RYR2: variants seen among roughly 807,000 people sequenced by gnomAD.
RYR2 encodes the protein ryanodine receptor 2, also known as cardiac muscle ryanodine receptor-calcium release channel.
Under a neutral mutation model 601.1 loss-of-function variants are expected in RYR2, and 227 were observed. That is an observed-to-expected ratio of 0.38 (90% CI 0.34 to 0.42). The LOEUF (loss-of-function observed/expected upper bound fraction) is 0.42. Ranked by LOEUF, RYR2 falls within the 10% of genes least tolerant of loss-of-function variation. The probability of loss-of-function intolerance (pLI) is 1.00; values close to 1 mark genes in which losing one functional copy is unlikely to be tolerated. For synonymous variants in RYR2, 2,223 were observed against 2,175.1 expected, an observed-to-expected ratio of 1.02 and a Z score of -0.61; for missense variants, 4,646 against 6,156.5, an observed-to-expected ratio of 0.75 and a Z score of 8.21.
At position 237,752,255 on chromosome 1, in the gene RYR2, G is replaced by A. The variant is rs578075869; in HGVS notation, c.11146-4033G>A. 5.9e-5 allele frequency among the ~76,000 whole-genome samples: 9 copies of A among 152,152 alleles called. No homozygotes were observed. The South Asian group carries it at 1.2e-3, about 21-fold the overall frequency. On this transcript the variant is annotated intron_variant, in intron 80 of 104. Transcript: ENST00000366574. ...GTTGCTCAGGCTGGAGTGCACTGGC[G>A]CAATCCTGGCCTCAGGTGATTCTCC...
At chr1:237,587,447 A>G (rs1196806187) in intron 29 of RYR2, among the ~76,000 whole-genome samples, 1 of 152,188 alleles carries the variant, frequency 6.6e-6, no homozygotes, top group Non-Finnish European at 1.5e-5. Flanking sequence ...GCCATAGAGA[A>G]CAAAATTACC....
At chr1:237,619,434 A>C (rs1017728471) in intron 38 of RYR2, among the ~76,000 whole-genome samples, 1 of 152,228 alleles carries the variant, frequency 6.6e-6, no homozygotes, top group Non-Finnish European at 1.5e-5. Flanking sequence ...AGAAGGAACA[A>C]TCAGTGAACT....
intron 1 of RYR2, among the ~76,000 whole-genome samples, chr1:237,112,012 C>T (rs1306700265): frequency 6.6e-6 from 1 of 152,160 alleles, no homozygotes; most frequent in Non-Finnish European, 1.5e-5. Flanking sequence ...TGGGTGAGTG[C>T]ACCCTAGTGG....
intron 27 of RYR2, 88 bp from the exon 28 acceptor site, chr1:237,566,479 T>G: frequency 2.3e-6 from 3 of 1,304,924 alleles, no homozygotes; most frequent in African/African-American, 1.5e-5. Context: ...AAGTCGTGAT[T>G]TATCTTTCCT....
intron 29 of RYR2, among the ~76,000 whole-genome samples, chr1:237,571,315 C>CTTT (rs71561888): frequency 2.2e-5 from 3 of 134,296 alleles, no homozygotes; most frequent in South Asian, 2.4e-4. Context: ...CTTTTCTTTT[C>CTTT]TTTTTTTTTT....
chr1:237,448,565 CT>C (rs1657672742), intron 14 of RYR2, among the ~76,000 whole-genome samples: 2 of 152,022 alleles, frequency 1.3e-5, no homozygotes, highest in South Asian at 4.1e-4. Flanking sequence ...CTACTAATTA[CT>C]GAGAGAAAGG....
At chr1:237,497,361 A>T (rs1345636621) in intron 20 of RYR2, among the ~76,000 whole-genome samples, 4 of 152,220 alleles carry the variant, frequency 2.6e-5, no homozygotes, top group African/African-American at 9.6e-5. Flanking sequence ...GGTTGAGTAT[A>T]TATTAAAAAT....
At chr1:237,245,490 C>G (rs1463123873) in intron 1 of RYR2, among the ~76,000 whole-genome samples, 1 of 152,114 alleles carries the variant, frequency 6.6e-6, no homozygotes, top group Non-Finnish European at 1.5e-5. Context: ...GGGAAATGCT[C>G]ATTTCCATTA....
intron 1 of RYR2, among the ~76,000 whole-genome samples, chr1:237,215,428 T>A (rs1231927067): frequency 6.6e-6 from 1 of 152,188 alleles, no homozygotes; most frequent in Admixed American, 6.5e-5. Context: ...TTTATTTACC[T>A]GTGCTGGAAC....
At chr1:237,316,023 A>G (rs545600156) in intron 2 of RYR2, among the ~76,000 whole-genome samples, 1 of 152,162 alleles carries the variant, frequency 6.6e-6, no homozygotes, top group South Asian at 2.1e-4. Flanking sequence ...AGATGAAGAG[A>G]TGGGGGCAGG....
chr1:237,514,964 G>A (rs1282035002), intron 24 of RYR2, among the ~76,000 whole-genome samples: 2 of 152,174 alleles, frequency 1.3e-5, no homozygotes, highest in African/African-American at 4.8e-5. Flanking sequence ...GAAGTTCCAA[G>A]TAACAAATAA....
At chr1:237,166,461 G>A (rs1348162865) in intron 1 of RYR2, among the ~76,000 whole-genome samples, 1 of 151,168 alleles carries the variant, frequency 6.6e-6, no homozygotes, top group East Asian at 2.0e-4. Flanking sequence ...TTAAGCTGAA[G>A]TCTCTCAGGG....
intron 80 of RYR2, among the ~76,000 whole-genome samples, chr1:237,746,607 C>G (rs1056241504): frequency 2.0e-5 from 3 of 151,958 alleles, no homozygotes; most frequent in African/African-American, 7.2e-5. Context: ...TTACAAAATT[C>G]CCTGTTTCAT....
intron 1 of RYR2, among the ~76,000 whole-genome samples, chr1:237,118,760 C>T (rs1488702724): frequency 2.6e-5 from 4 of 152,008 alleles, no homozygotes; most frequent in East Asian, 3.9e-4. Context: ...TGGACCACCA[C>T]GCCTGTAGTG....
intron 1 of RYR2, among the ~76,000 whole-genome samples, chr1:237,134,290 A>G (rs1025128557): frequency 6.6e-6 from 1 of 152,126 alleles, no homozygotes; most frequent in Non-Finnish European, 1.5e-5. Flanking sequence ...ATTTTTTTTA[A>G]TCAGTGTATT....
chr1:237,645,034 C>G (rs1443617027), intron 48 of RYR2, among the ~76,000 whole-genome samples: 2 of 152,096 alleles, frequency 1.3e-5, no homozygotes, highest in Non-Finnish European at 2.9e-5. Flanking sequence ...AACTCTGTCT[C>G]AAACAAACAA....
At chr1:237,112,393 C>T (rs996202530) in intron 1 of RYR2, among the ~76,000 whole-genome samples, 2 of 152,132 alleles carry the variant, frequency 1.3e-5, no homozygotes, top group South Asian at 2.1e-4. Flanking sequence ...GGATTACAGG[C>T]GTGAGCCACC....
chr1:237,763,176 C>T (rs1165834901), intron 84 of RYR2, among the ~76,000 whole-genome samples: 8 of 152,196 alleles, frequency 5.3e-5, no homozygotes, highest in Admixed American at 3.3e-4. Context: ...ATTTCAATTA[C>T]ATTTTCGGAT....
chr1:237,439,410 C>G (rs556453899), intron 12 of RYR2, among the ~76,000 whole-genome samples: 4 of 152,198 alleles, frequency 2.6e-5, no homozygotes, highest in Non-Finnish European at 4.4e-5. Flanking sequence ...TTTGGGAGGC[C>G]GAGGTGGGTG....
Sources: allele counts gnomAD v4.1 joint callset (sites outside exome capture counted in the v4.1 genomes callset), GRCh38; gene constraint gnomAD v4.1.1; transcripts MANE v1.5; gene names NCBI Gene and HGNC (gene_info 2026-07-23, HGNC 2026-07-21).